The following TSFM variants were observed in gnomAD, a reference collection of about 807,000 sequenced individuals.
TSFM encodes the protein elongation factor Ts, mitochondrial.
TSFM carries 29 observed loss-of-function variants against 33.4 expected under a neutral mutation model. The ratio of observed to expected loss-of-function variants is 0.87; its 90% CI spans 0.65 to 1.18. The LOEUF is 1.18. TSFM is among the 50% of genes most tolerant of loss of function. The pLI is 0.00. For missense variants in TSFM, 394 were observed against 395.6 expected, an observed-to-expected ratio of 1.00 and a Z score of 0.04; for synonymous variants, 178 against 163.5, an observed-to-expected ratio of 1.09 and a Z score of -0.68.
At chr12:57,802,100 C>T (rs932572282), downstream of TSFM, 6 of 1,562,486 alleles carry the variant, frequency 3.8e-6, no homozygotes, top group African/African-American at 8.1e-5. Flanking sequence ...CCTTCCTGCC[C>T]ACTGAGCTGT....
At chr12:57,802,461 A>T, downstream of TSFM, 3 of 1,308,762 alleles carry the variant, frequency 2.3e-6, no homozygotes, top group Non-Finnish European at 3.2e-6. Flanking sequence ...TCACAGCCTC[A>T]GAAAACTTTC....
chr12:57,786,958 C>A (rs1056288086), intron 3 of TSFM, 82 bp from the exon 4 acceptor site: 10 of 1,455,192 alleles, frequency 6.9e-6, no homozygotes, highest in Non-Finnish European at 9.2e-6. Flanking sequence ...CTATCAGTAT[C>A]TTGATTTATT....
downstream of TSFM, chr12:57,801,306 GC>G: frequency 1.0e-6 from 1 of 984,640 alleles, no homozygotes; most frequent in Non-Finnish European, 1.5e-6. Context: ...AAGCAAAAGA[GC>G]CAGGGAGTCA....
chr12:57,799,678 C>T, downstream of TSFM: 1 of 1,440,224 alleles, frequency 6.9e-7, no homozygotes, highest in East Asian at 2.3e-5. Context: ...CTAGGTAGCT[C>T]AGATGTCCAT....
In TSFM at chr12:57,797,275, A is replaced by C. The variant is rs1451329820; in HGVS notation, c.*692A>C. The C allele has an allele frequency of 1.0e-6, 1 of 985,342 alleles. No individual in the cohort carries two copies. The highest frequency in any genetic ancestry group is 1.1e-4 in the East Asian group (1 of 8,838). 61.0% of individuals were successfully genotyped at this position (985,342 alleles called of 1,614,324 possible). On this transcript the variant is annotated 3_prime_UTR_variant, in exon 6 of 6. Coordinates refer to ENST00000652027, the MANE Select transcript of TSFM (RefSeq NM_005726.6). ...AGTAGTCCAGTTACCCAGAGAGCTC[A>C]CTTAACATTGCCTCTTTACTTCCCC...
At chr12:57,801,255 T>A, downstream of TSFM, 1 of 1,534,736 alleles carries the variant, frequency 6.5e-7, no homozygotes, top group Non-Finnish European at 9.0e-7. Context: ...GTCTTTCTTA[T>A]AGGGGAGGGA....
chr12:57,793,648 T>G (rs1470703951), intron 5 of TSFM, among the ~76,000 whole-genome samples: 1 of 152,146 alleles, frequency 6.6e-6, no homozygotes, highest in Non-Finnish European at 1.5e-5. Flanking sequence ...TTAAAAGAAT[T>G]TAGATTTGTA....
At position 57,792,928 on chromosome 12, in the gene TSFM, C is replaced by G. The variant is rs922484680; in HGVS notation, c.484-58C>G. 3 of 1,544,942 alleles carry G rather than the reference C, an allele frequency of 1.9e-6. No homozygotes were observed. The East Asian group carries it at 6.8e-5, about 35-fold the overall frequency. ...TAGAGATAGACTATTTTTGCCTATT[C>G]TTTTGATAATTTGAATAGTACAGAA... On this transcript the variant is annotated intron_variant, in intron 4 of 5. Transcript: ENST00000652027.
At chr12:57,791,120 C>T (rs11172339) in intron 4 of TSFM, among the ~76,000 whole-genome samples, 4,277 of 151,840 alleles carry the variant, frequency 0.028, 212 homozygotes, top group African/African-American at 0.099. Context: ...AGTGATTCTC[C>T]TGCCTCAGCC....
At chr12:57,787,658 G>A (rs1955607831) in intron 4 of TSFM, among the ~76,000 whole-genome samples, 1 of 152,216 alleles carries the variant, frequency 6.6e-6, no homozygotes, top group Non-Finnish European at 1.5e-5. Flanking sequence ...GCCAGGTGTG[G>A]TGGCTCACCC....
At chr12:57,785,178 A>T (rs567329691) in intron 2 of TSFM, among the ~76,000 whole-genome samples, 1 of 152,146 alleles carries the variant, frequency 6.6e-6, no homozygotes, top group East Asian at 1.9e-4. Context: ...CGCCCACCTC[A>T]GCCTCCCAAA....
chr12:57,801,355 C>G (rs1955844398), downstream of TSFM: 2 of 624,648 alleles, frequency 3.2e-6, no homozygotes, highest in African/African-American at 3.7e-5. Flanking sequence ...GAAAATCCCC[C>G]CTTTTGGGTC....
intron 2 of TSFM, chr12:57,783,592 T>A (rs1955544232): frequency 6.6e-6 from 4 of 603,564 alleles, no homozygotes; most frequent in South Asian, 6.2e-5. Context: ...TGTCTGACTT[T>A]AGACTTTTTT....
chr12:57,784,874 C>G (rs1261514374), intron 2 of TSFM, among the ~76,000 whole-genome samples: 1 of 139,850 alleles, frequency 7.2e-6, no homozygotes, highest in Non-Finnish European at 1.5e-5. Context: ...GAGTGAAACT[C>G]TGTCTCAAAA....
At chr12:57,802,731 C>A, downstream of TSFM, 1 of 597,828 alleles carries the variant, frequency 1.7e-6, no homozygotes, top group South Asian at 2.1e-5. Context: ...TCTATCTAGT[C>A]ACCTAAGGCA....
At position 57,796,402 on chromosome 12, in the gene TSFM, T is replaced by A. The variant is rs146777264; in HGVS notation, c.797T>A (p.Leu266His). 2,319 of 1,602,600 alleles carry A rather than the reference T, an allele frequency of 1.4e-3. 7 individuals carry two copies. Among genetic ancestry groups the A allele is most frequent in the Admixed American group, 3.4e-3 (194 of 57,678 alleles). The change falls in exon 6 of 6, where the codon CTC becomes CAC. Residue 266 changes from leucine to histidine, a missense_variant. This residue lies in a region of TSFM where 186 missense variants were observed against 198.8 expected (regional missense o/e 0.94). Coordinates refer to ENST00000652027, the MANE Select transcript of TSFM (RefSeq NM_005726.6). Reference protein sequence around the residue: ...LGQHVVGMAPLSVGSLDDEPG... With the variant: ...LGQHVVGMAPHSVGSLDDEPG... ...CAGCATGTGGTGGGCATGGCCCCCC[T>A]CTCTGTTGGCTCCCTGGACGATGAG...
downstream of TSFM, chr12:57,797,789 A>G: frequency 2.9e-6 from 3 of 1,024,928 alleles, no homozygotes; most frequent in Non-Finnish European, 4.1e-6. Context: ...AAGTAGCTGA[A>G]TGTCAGGCAG....
In TSFM at chr12:57,782,841, C is replaced by T; in HGVS notation, c.40C>T (p.Arg14Trp). The T allele has an allele frequency of 6.3e-7, 1 of 1,595,528 alleles. No individual in the cohort carries two copies. ...LRSLRVFLVA[R>W]TGSYPAGSLL... ...GTCGCTGCGCGTGTTTCTGGTCGCG[C>T]GGACCGGGAGCTACCCGGTGAGAAG... Residue 14 changes from arginine (R) to tryptophan (W), a missense_variant, in exon 1 of 6, where the codon CGG becomes TGG. By Grantham distance (101) the Arg-to-Trp change is moderately radical. This residue lies in a region of TSFM where 208 missense variants were observed against 180.4 expected (regional missense o/e 1.15). Transcript: ENST00000652027.
chr12:57,783,908 G>A (rs775356254), intron 2 of TSFM: 6 of 700,960 alleles, frequency 8.6e-6, no homozygotes, highest in African/African-American at 7.0e-5. Flanking sequence ...GAGCCACCGC[G>A]CCCGGCTGAC....
Sources: allele counts gnomAD v4.1 joint callset (sites outside exome capture counted in the v4.1 genomes callset), GRCh38; gene constraint gnomAD v4.1.1; regional missense constraint gnomAD v4.1.1; transcripts MANE v1.5; gene names NCBI Gene and HGNC (gene_info 2026-07-23, HGNC 2026-07-21).